SORCS3: variants seen among roughly 807,000 people sequenced by gnomAD.
The protein encoded by SORCS3 is VPS10 domain-containing receptor SorCS3.
A neutral mutation model predicts 146.3 loss-of-function variants in SORCS3; 57 were observed. The ratio of observed to expected loss-of-function variants is 0.39; its 90% confidence interval spans 0.31 to 0.49. The LOEUF (loss-of-function observed/expected upper bound fraction) is 0.49. Ranked by LOEUF, SORCS3 falls within the 20% of genes least tolerant of loss-of-function variation. The pLI is 0.92. For missense variants in SORCS3, 1,341 were observed against 1,575.5 expected (o/e 0.85, Z 2.52); for synonymous variants, 653 against 618.5 (o/e 1.06, Z -0.83).
intron 5 of SORCS3, among the ~76,000 whole-genome samples, chr10:105,078,569 G>A (rs1329027816): frequency 6.6e-6 from 1 of 152,058 alleles, no homozygotes; most frequent in East Asian, 1.9e-4. Flanking sequence ...TAAAGATTGA[G>A]GTCATATATC....
At chr10:104,888,867 G>A (rs865950147) in intron 2 of SORCS3, among the ~76,000 whole-genome samples, 1 of 152,142 alleles carries the variant, frequency 6.6e-6, no homozygotes, top group Non-Finnish European at 1.5e-5. Flanking sequence ...ACATTTGGGG[G>A]CCTCGAGGGC....
chr10:105,042,208 G>T (rs1471550474), intron 4 of SORCS3, among the ~76,000 whole-genome samples: 2 of 152,162 alleles, frequency 1.3e-5, no homozygotes, highest in African/African-American at 2.4e-5. Context: ...CTTCTTAGAG[G>T]CAGGCAGTGA....
At chr10:104,921,436 G>A (rs980394265) in intron 3 of SORCS3, among the ~76,000 whole-genome samples, 4 of 151,716 alleles carry the variant, frequency 2.6e-5, no homozygotes, top group African/African-American at 9.7e-5. Context: ...AGCACACACT[G>A]GTCTAACAGC....
intron 2 of SORCS3, among the ~76,000 whole-genome samples, chr10:104,844,401 G>A (rs1430939687): frequency 6.6e-6 from 1 of 152,108 alleles, no homozygotes; most frequent in Non-Finnish European, 1.5e-5. Context: ...GCTACTCCAT[G>A]TTGCAGAAAA....
chr10:105,115,420 T>G (rs1564758423), intron 7 of SORCS3, among the ~76,000 whole-genome samples: 1 of 152,188 alleles, frequency 6.6e-6, no homozygotes, highest in Admixed American at 6.5e-5. Flanking sequence ...CTTTTAAGGA[T>G]TTTTATAAGC....
intron 4 of SORCS3, among the ~76,000 whole-genome samples, chr10:105,001,124 T>C (rs1374398155): frequency 1.3e-5 from 2 of 152,170 alleles, no homozygotes; most frequent in African/African-American, 4.8e-5. Flanking sequence ...AGACTAACCA[T>C]GTAAGGTAGG....
chr10:104,795,612 G>A (rs2017545798), intron 1 of SORCS3, among the ~76,000 whole-genome samples: 1 of 152,208 alleles, frequency 6.6e-6, no homozygotes, highest in African/African-American at 2.4e-5. Context: ...AGAATGATCG[G>A]CATTCCTGCC....
intron 1 of SORCS3, among the ~76,000 whole-genome samples, chr10:104,657,436 G>A (rs957997306): frequency 3.3e-5 from 5 of 152,254 alleles, no homozygotes; most frequent in East Asian, 1.9e-4. Flanking sequence ...ACATAATTAC[G>A]GTATAAAGTG....
At chr10:105,244,510 C>A (rs1044896617) in intron 20 of SORCS3, among the ~76,000 whole-genome samples, 6 of 151,992 alleles carry the variant, frequency 3.9e-5, no homozygotes, top group African/African-American at 9.7e-5. Context: ...GTATACACAG[C>A]GGTCCTGGAA....
intron 1 of SORCS3, among the ~76,000 whole-genome samples, chr10:104,822,528 C>T (rs2017886147): frequency 2.0e-5 from 3 of 152,166 alleles, no homozygotes; most frequent in Non-Finnish European, 2.9e-5. Context: ...CATCCACCAT[C>T]AGCCGCTGGA....
chr10:104,723,144 C>A (rs1222352169), intron 1 of SORCS3, among the ~76,000 whole-genome samples: 2 of 152,184 alleles, frequency 1.3e-5, no homozygotes, highest in East Asian at 3.8e-4. Flanking sequence ...CTACACACTG[C>A]TTTGAATGTG....
At position 104,917,299 on chromosome 10, in the gene SORCS3, C is replaced by G. The variant is rs774644233; in HGVS notation, c.795+1367C>G. On this transcript the variant is annotated intron_variant, in intron 3 of 26. Transcript: ENST00000369701. The stretch of plus-strand genomic sequence containing the variant: ...TTATTTAAATTATTGGATTTTAGAG[C>G]TAGAAGAAAGCACAGATTTCACCTA... Among the ~76,000 whole-genome samples, 3 of 152,216 alleles carry G rather than the reference C, an allele frequency of 2.0e-5. No homozygotes were observed. In the East Asian group the frequency reaches 5.8e-4, roughly 29 times the overall value.
intron 7 of SORCS3, among the ~76,000 whole-genome samples, chr10:105,110,791 G>A (rs543205639): frequency 1.1e-3 from 160 of 152,220 alleles, no homozygotes; most frequent in Non-Finnish European, 1.4e-3. Flanking sequence ...AAAGGGAGAA[G>A]CATCATTATG....
intron 1 of SORCS3, chr10:104,664,692 T>G (rs2015746555): frequency 6.6e-6 from 1 of 152,162 alleles, no homozygotes; most frequent in Non-Finnish European, 1.5e-5. Context: ...GGCATCTATC[T>G]CCCCATTCAC....
At chr10:104,991,690 A>C (rs10884074) in intron 4 of SORCS3, among the ~76,000 whole-genome samples, 35,163 of 151,706 alleles carry the variant, frequency 0.23, 4,178 homozygotes, top group South Asian at 0.32. Flanking sequence ...TAGTAGAGAC[A>C]AGGTTTCGCT....
intron 1 of SORCS3, among the ~76,000 whole-genome samples, chr10:104,749,472 TA>T (rs1372300183): frequency 6.6e-6 from 1 of 152,168 alleles, no homozygotes; most frequent in East Asian, 1.9e-4. Flanking sequence ...AAGTGTTCAA[TA>T]TAAAGGGTGG....
rs573524320 is a variant in SORCS3, at chr10:104,879,509, T to C, written c.696-36324T>C. Among the ~76,000 whole-genome samples, 19 of 152,270 alleles carry C rather than the reference T, an allele frequency of 1.2e-4. No homozygotes were observed. In the South Asian group the frequency reaches 3.9e-3, roughly 32 times the overall value. Reference sequence around the variant, plus strand: ...CTCAATATCTTTACTCTCAACTATATATGCTAAGTCCCTTTTGCAAGAGCA... The same window carrying C: ...CTCAATATCTTTACTCTCAACTATACATGCTAAGTCCCTTTTGCAAGAGCA... On this transcript the variant is annotated intron_variant, in intron 2 of 26. Coordinates refer to ENST00000369701, the MANE Select transcript of SORCS3 (RefSeq NM_014978.3).
intron 9 of SORCS3, among the ~76,000 whole-genome samples, chr10:105,150,852 T>A (rs967843069): frequency 6.6e-6 from 1 of 152,186 alleles, no homozygotes; most frequent in Non-Finnish European, 1.5e-5. Flanking sequence ...TTTAACCTTC[T>A]TTACTGGAAA....
At chr10:104,704,224 G>A (rs187880098) in intron 1 of SORCS3, among the ~76,000 whole-genome samples, 78 of 148,816 alleles carry the variant, frequency 5.2e-4, no homozygotes, top group African/African-American at 1.9e-3. Context: ...CTGGAGTGCA[G>A]TGGCACGATC....
Sources: allele counts gnomAD v4.1 joint callset (sites outside exome capture counted in the v4.1 genomes callset), GRCh38; gene constraint gnomAD v4.1.1; transcripts MANE v1.5; gene names NCBI Gene and HGNC (gene_info 2026-07-23, HGNC 2026-07-21).